SUCO: variants seen among roughly 807,000 people sequenced by gnomAD.
SUCO encodes the protein SUN domain containing ossification factor.
SUCO carries 57 observed loss-of-function variants against 148.1 expected under a neutral mutation model. That is an observed-to-expected ratio of 0.38 (90% CI 0.31 to 0.48). The LOEUF (loss-of-function observed/expected upper bound fraction) is 0.48. SUCO is among the 20% of genes least tolerant of loss of function. The probability of loss-of-function intolerance (pLI) is 0.96; values close to 1 mark genes in which losing one functional copy is unlikely to be tolerated. For missense variants in SUCO, 1,331 were observed against 1,468.2 expected (o/e 0.91, Z 1.53); for synonymous variants, 470 against 502.7 (o/e 0.93, Z 0.87).
In SUCO at chr1:172,557,394, T is replaced by C. The variant is rs555030690; in HGVS notation, c.558T>C (p.Pro186=). The C allele has an allele frequency of 2.5e-6, 4 of 1,614,002 alleles. No individual in the cohort carries two copies. Among genetic ancestry groups the C allele is most frequent in the Admixed American group, 1.7e-5 (1 of 60,016 alleles). Residue 186 remains proline (P), a synonymous_variant, in exon 5 of 24, where the codon CCT becomes CCC. Coordinates refer to ENST00000263688, the MANE Select transcript of SUCO (RefSeq NM_014283.5). The stretch of plus-strand genomic sequence containing the variant: ...ATGCTAGTGCTCCAATTGAACAACC[T>C]TCCTTTGTCAGTCCACCTGACAGGT... ...ALDASAPIEQ[P]SFVSPPDSLV... is the part of the protein sequence containing the mutation.
intron 6 of SUCO, among the ~76,000 whole-genome samples, chr1:172,567,132 GA>G (rs931961786): frequency 6.6e-6 from 1 of 152,178 alleles, no homozygotes; most frequent in African/African-American, 2.4e-5. Context: ...TTCCTTTGAA[GA>G]AAAGAAGAAA....
At chr1:172,579,938 A>C (rs979122369) in intron 15 of SUCO, among the ~76,000 whole-genome samples, 2 of 152,304 alleles carry the variant, frequency 1.3e-5, no homozygotes, top group South Asian at 2.1e-4. Flanking sequence ...TTATTAATCA[A>C]ATTTAATAAA....
rs570583109 is a variant in SUCO at position 172,562,609 on chromosome 1, A to G, written c.732+4815A>G. Among the ~76,000 whole-genome samples the G allele has an allele frequency of 7.0e-4, 106 of 152,344 alleles. 1 individual carries two copies. Among genetic ancestry groups the G allele is most frequent in the African/African-American group, 2.5e-3 (103 of 41,586 alleles). On this transcript the variant is annotated intron_variant, in intron 6 of 23. Coordinates refer to ENST00000263688, the MANE Select transcript of SUCO (RefSeq NM_014283.5). ...CTTGGCCTTCCAAAGTGCTGGGATT[A>G]ACAGGTGTGAGCCAGTGCACCCAGT...
intron 11 of SUCO, chr1:172,576,767 T>TA (rs1655474181): frequency 5.2e-6 from 2 of 383,778 alleles, no homozygotes; most frequent in African/African-American, 2.2e-5. Flanking sequence ...ATTAGTTTTA[T>TA]AAAAAACCTT....
rs1378762762 is a variant in SUCO at position 172,533,486 on chromosome 1, C to T, written c.51C>T (p.Cys17=). 1 of 1,560,886 alleles carries T rather than the reference C, an allele frequency of 6.4e-7. No individual in the cohort carries two copies. The highest frequency in any genetic ancestry group is 2.4e-5 in the East Asian group (1 of 42,226). ...ALALVSCLFL[C]SLVWLPSWRV... ...CCCTGGTCTCCTGCCTCTTTCTGTG[C>T]TCTCTGGTCTGGTGAGTAGCCGCGA... The change falls in exon 1 of 24, where the codon TGC becomes TGT. Residue 17 remains cysteine, a synonymous_variant. Transcript: ENST00000263688.
chr1:172,589,359 T>C lies in SUCO; in HGVS notation c.2258T>C (p.Val753Ala), dbSNP rs866552888. 2 of 1,613,720 alleles carry C rather than the reference T, an allele frequency of 1.2e-6. No homozygotes were observed. The highest frequency in any genetic ancestry group is 1.7e-5 in the Admixed American group (1 of 59,978). Residue 753 changes from valine to alanine, a missense_variant, in exon 18 of 24, where the codon GTT (valine) becomes GCT (alanine). By Grantham distance (64) the Val-to-Ala change is moderately conservative. Transcript: ENST00000263688. The stretch of plus-strand genomic sequence containing the variant: ...CCTAAAATAGAAGTATCTGAGTCTG[T>C]TGAATATGAGGCAGGACATATACCA... ...PLPKIEVSES[V>A]EYEAGHIPSP...
chr1:172,592,177 C>T (rs1211168054), intron 19 of SUCO, among the ~76,000 whole-genome samples: 1 of 152,094 alleles, frequency 6.6e-6, no homozygotes, highest in Admixed American at 6.5e-5. Context: ...TGGATATTAG[C>T]CCTTTGTCAG....
chr1:172,573,692 CT>C (rs1571236713), intron 9 of SUCO, among the ~76,000 whole-genome samples, 198 bp from the exon 10 acceptor site: 1 of 152,008 alleles, frequency 6.6e-6, no homozygotes, highest in Non-Finnish European at 1.5e-5. Flanking sequence ...ATTTACAGGT[CT>C]TTTCCCCCCA....
chr1:172,547,265 T>G (rs1042406729), intron 1 of SUCO, among the ~76,000 whole-genome samples: 1 of 152,240 alleles, frequency 6.6e-6, no homozygotes, highest in Admixed American at 6.5e-5. Context: ...ACTGTATGAA[T>G]GTACTACAGT....
rs375278979 is a variant in SUCO, at chr1:172,591,049, C to A, written c.2891C>A (p.Thr964Asn). 1.9e-6 allele frequency: 3 copies of A among 1,611,542 alleles called. No homozygotes were observed. Among genetic ancestry groups the A allele is most frequent in the Non-Finnish European group, 2.5e-6 (3 of 1,178,802 alleles). Reference sequence around the variant, plus strand: ...AAAACAATCGTGAAACTTCAGAATACTTCAAGAATAGCAGAGGAGCAGGTT... The same window carrying A: ...AAAACAATCGTGAAACTTCAGAATAATTCAAGAATAGCAGAGGAGCAGGTT... ...FNKTIVKLQN[T>N]SRIAEEQDQR... is the part of the protein sequence containing the mutation. The change falls in exon 19 of 24, where the codon ACT becomes AAT. Residue 964 changes from threonine to asparagine, a missense_variant. Coordinates refer to ENST00000263688, the MANE Select transcript of SUCO (RefSeq NM_014283.5).
intron 2 of SUCO, chr1:172,552,051 C>T (rs1345971626): frequency 6.6e-6 from 1 of 152,178 alleles, no homozygotes; most frequent in Non-Finnish European, 1.5e-5. Flanking sequence ...CTCCAAAAAA[C>T]CTCATGGTCT....
intron 18 of SUCO, among the ~76,000 whole-genome samples, chr1:172,590,562 A>G (rs1433938655): frequency 6.6e-6 from 1 of 152,140 alleles, no homozygotes. Flanking sequence ...TTTTGCAAAC[A>G]TCTAGGCACA....
intron 1 of SUCO, among the ~76,000 whole-genome samples, chr1:172,534,913 A>G (rs781062263): frequency 6.6e-6 from 1 of 152,228 alleles, no homozygotes. Context: ...AATAAGGAAA[A>G]GGTGAACACT....
intron 15 of SUCO, among the ~76,000 whole-genome samples, chr1:172,584,702 G>A (rs1656111696): frequency 6.6e-6 from 1 of 152,158 alleles, no homozygotes; most frequent in Non-Finnish European, 1.5e-5. Context: ...GAACCTGGGA[G>A]GCAGAGGTTG....
chr1:172,609,682 G>A (rs1174043545), intron 23 of SUCO, 134 bp from the exon 24 acceptor site: 14 of 1,456,244 alleles, frequency 9.6e-6, no homozygotes, highest in Non-Finnish European at 1.3e-5. Flanking sequence ...CAATGTATGT[G>A]TTCTGTGCTG....
Position 172,609,886 on chromosome 1 carries a change from C to T in SUCO, c.3392C>T (p.Ala1131Val). The T allele has an allele frequency of 6.2e-7, 1 of 1,613,660 alleles. No homozygotes were observed. The highest frequency in any genetic ancestry group is 8.5e-7 in the Non-Finnish European group (1 of 1,179,738). Residue 1131 changes from alanine (A) to valine (V), a missense_variant, in exon 24 of 24, where the codon GCC (alanine) becomes GTC (valine). Around this residue, in one of 3 missense-constraint regions of SUCO, gnomAD observed 334 missense variants for 352.3 expected, o/e 0.95. Transcript: ENST00000263688. ...CCTGAAGAACCATTGCACCCCATAG[C>T]CAATGGCGACATAAAAGGAAGAAAG... Reference protein sequence around the residue: ...IKPEEPLHPIANGDIKGRKPF... With the variant: ...IKPEEPLHPIVNGDIKGRKPF...
chr1:172,583,224 T>C (rs1656002481), intron 15 of SUCO, among the ~76,000 whole-genome samples: 1 of 151,890 alleles, frequency 6.6e-6, no homozygotes, highest in Non-Finnish European at 1.5e-5. Context: ...CCATTTTTGT[T>C]ATCTCATACC....
At chr1:172,550,781 A>G in intron 1 of SUCO, 2 of 305,812 alleles carry the variant, frequency 6.5e-6, no homozygotes, top group Non-Finnish European at 9.6e-6. Context: ...TTCTTAAAAC[A>G]TTGATGGATG....
chr1:172,532,423 T>C, upstream of SUCO: 1 of 1,446,182 alleles, frequency 6.9e-7, no homozygotes, highest in South Asian at 1.3e-5. Flanking sequence ...GCGGCGAAAT[T>C]CTTGCTGAAG....
Sources: gnomAD v4.1 joint callset for allele counts (sites outside exome capture counted in the v4.1 genomes callset) on GRCh38, gnomAD v4.1.1 for gene constraint, gnomAD v4.1.1 regional missense constraint, MANE v1.5 for transcripts, NCBI Gene and HGNC (gene_info 2026-07-23, HGNC 2026-07-21) for gene names.